The following REDIC1 variants were observed in gnomAD, a reference collection of about 807,000 sequenced individuals.
REDIC1 encodes HEI10 Interacting Protein 1.
the REDIC1 span, among the ~76,000 whole-genome samples, chr12:39,736,030 A>G: frequency 1.3e-5 from 2 of 152,218 alleles, no homozygotes; most frequent in Non-Finnish European, 2.9e-5. Flanking sequence ...TTTCTGAAGT[A>G]ATACTGGTAG....
the REDIC1 span, among the ~76,000 whole-genome samples, chr12:39,654,293 A>G: frequency 1.3e-5 from 2 of 152,058 alleles, no homozygotes; most frequent in Non-Finnish European, 2.9e-5. Context: ...TGGGATGAAA[A>G]CTGCTTGGTG....
chr12:39,826,781 AATC>A, the REDIC1 span, among the ~76,000 whole-genome samples: 1 of 150,638 alleles, frequency 6.6e-6, no homozygotes, highest in Non-Finnish European at 1.5e-5. Context: ...ATACTGCACC[AATC>A]ATAAGTATAT....
chr12:39,681,521 G>T, the REDIC1 span, among the ~76,000 whole-genome samples: 1 of 152,130 alleles, frequency 6.6e-6, no homozygotes, highest in African/African-American at 2.4e-5. Flanking sequence ...CTTATAAAGT[G>T]CATTTACCTC....
chr12:39,659,318 T>C, the REDIC1 span, among the ~76,000 whole-genome samples: 7 of 152,046 alleles, frequency 4.6e-5, no homozygotes, highest in African/African-American at 1.7e-4. Context: ...GTTTTCTTGA[T>C]CTTGGATTTG....
the REDIC1 span, among the ~76,000 whole-genome samples, chr12:39,881,065 C>A: frequency 6.6e-6 from 1 of 152,108 alleles, no homozygotes; most frequent in African/African-American, 2.4e-5. Flanking sequence ...ATAATTCAAT[C>A]AAATGTTACA....
the REDIC1 span, among the ~76,000 whole-genome samples, chr12:39,901,961 G>T: frequency 1.3e-5 from 2 of 152,084 alleles, no homozygotes; most frequent in Admixed American, 1.3e-4. Context: ...ATCAATGATA[G>T]ACTGGATTAA....
At chr12:39,773,489 C>T in the REDIC1 span, among the ~76,000 whole-genome samples, 1 of 152,188 alleles carries the variant, frequency 6.6e-6, no homozygotes, top group African/African-American at 2.4e-5. Context: ...ACCCACCAAA[C>T]CTAGTTCATA....
the REDIC1 span, among the ~76,000 whole-genome samples, chr12:39,805,621 G>A: frequency 1.3e-5 from 2 of 152,036 alleles, no homozygotes; most frequent in African/African-American, 4.8e-5. Context: ...AAAAGGTTTG[G>A]AGAAGTTGTA....
chr12:39,682,571 C>T, the REDIC1 span: 1 of 1,421,780 alleles, frequency 7.0e-7, no homozygotes. Context: ...GCAAATAATC[C>T]ATGCTTTTCT....
the REDIC1 span, chr12:39,871,742 A>C: frequency 6.6e-7 from 1 of 1,507,790 alleles, no homozygotes; most frequent in Non-Finnish European, 8.9e-7. Flanking sequence ...TGAAGGTTAA[A>C]CTTGAAGTTA....
chr12:39,752,957 T>A, the REDIC1 span, among the ~76,000 whole-genome samples: 2 of 152,208 alleles, frequency 1.3e-5, no homozygotes, highest in South Asian at 2.1e-4. Flanking sequence ...CTGAGCTGTA[T>A]CCTCAGAGAA....
the REDIC1 span, among the ~76,000 whole-genome samples, chr12:39,701,653 A>G: frequency 3.3e-5 from 5 of 152,212 alleles, no homozygotes; most frequent in African/African-American, 9.6e-5. Context: ...TCAGCACCAC[A>G]TGACACCTAT....
chr12:39,712,707 G>A, the REDIC1 span, among the ~76,000 whole-genome samples: 2 of 4,278 alleles, frequency 4.7e-4, no homozygotes, highest in African/African-American at 3.5e-3. Flanking sequence ...GTGTATATAT[G>A]TATATAGACG....
the REDIC1 span, chr12:39,716,856 C>T: frequency 6.5e-7 from 1 of 1,531,210 alleles, no homozygotes; most frequent in African/African-American, 1.4e-5. Context: ...ATGCTTGTTT[C>T]ACTTATTAAT....
chr12:39,811,960 G>A, the REDIC1 span, among the ~76,000 whole-genome samples: 1 of 152,070 alleles, frequency 6.6e-6, no homozygotes, highest in Non-Finnish European at 1.5e-5. Context: ...AATAGAGTTG[G>A]TTTAAATCTC....
At chr12:39,636,049 A>G in the REDIC1 span, among the ~76,000 whole-genome samples, 1 of 151,854 alleles carries the variant, frequency 6.6e-6, no homozygotes. Flanking sequence ...GAGTATATTC[A>G]TTTTTTTTCT....
At chr12:39,711,436 T>C in the REDIC1 span, among the ~76,000 whole-genome samples, 1 of 71,922 alleles carries the variant, frequency 1.4e-5, no homozygotes, top group Non-Finnish European at 3.3e-5. Flanking sequence ...TGTATATGTA[T>C]ATGTGTGTAC....
At chr12:39,679,099 A>C in the REDIC1 span, among the ~76,000 whole-genome samples, 2 of 152,258 alleles carry the variant, frequency 1.3e-5, no homozygotes, top group Middle Eastern at 3.4e-3. Context: ...TCCTAGCCAG[A>C]ACAGTCAGAC....
chr12:39,730,917 A>G, the REDIC1 span, among the ~76,000 whole-genome samples: 1 of 151,970 alleles, frequency 6.6e-6, no homozygotes, highest in Admixed American at 6.6e-5. Flanking sequence ...TGAATCTCTG[A>G]TAGACTTTTT....
Sources: allele counts gnomAD v4.1 joint callset (sites outside exome capture counted in the v4.1 genomes callset), GRCh38; gene constraint gnomAD v4.1.1; transcripts MANE v1.5; gene names NCBI Gene and HGNC (gene_info 2026-07-23, HGNC 2026-07-21).